ST6GALNAC3: variants seen among roughly 807,000 people sequenced by gnomAD.
The protein encoded by ST6GALNAC3 is alpha-N-acetylgalactosaminide alpha-2,6-sialyltransferase 3.
A neutral mutation model predicts 32.7 loss-of-function variants in ST6GALNAC3; 25 were observed. The observed-to-expected ratio is 0.76, with a 90% CI of 0.56 to 1.07. ST6GALNAC3 has a LOEUF of 1.07. ST6GALNAC3 is among the 50% of genes least tolerant of loss of function. The probability of loss-of-function intolerance (pLI) is 0.00; values close to 1 mark genes in which losing one functional copy is unlikely to be tolerated. For synonymous variants in ST6GALNAC3, 129 were observed against 133.1 expected (o/e 0.97, Z 0.21); for missense variants, 355 against 382.4 (o/e 0.93, Z 0.60).
intron 1 of ST6GALNAC3, among the ~76,000 whole-genome samples, chr1:76,112,098 C>A (rs1648012390): frequency 7.0e-6 from 1 of 142,508 alleles, no homozygotes; most frequent in Non-Finnish European, 1.5e-5. Context: ...CCGGACGGGG[C>A]GGCTGGCCGG....
At chr1:76,112,106 C>T (rs1159758321) in intron 1 of ST6GALNAC3, among the ~76,000 whole-genome samples, 5 of 142,956 alleles carry the variant, frequency 3.5e-5, no homozygotes, top group Non-Finnish European at 6.1e-5. Context: ...GGCGGCTGGC[C>T]GGGCGGGGGG....
chr1:76,307,424 C>T (rs988720505), intron 1 of ST6GALNAC3, among the ~76,000 whole-genome samples: 3 of 152,100 alleles, frequency 2.0e-5, no homozygotes, highest in African/African-American at 7.2e-5. Flanking sequence ...CAAGATAGAA[C>T]TATAACATAT....
intron 1 of ST6GALNAC3, among the ~76,000 whole-genome samples, chr1:76,308,568 G>A (rs921513708): frequency 1.3e-5 from 2 of 152,114 alleles, no homozygotes; most frequent in Non-Finnish European, 1.5e-5. Flanking sequence ...ATCATTAGAC[G>A]TAGAACACAT....
At chr1:76,084,290 G>C (rs1144345) in intron 1 of ST6GALNAC3, among the ~76,000 whole-genome samples, 47,763 of 152,096 alleles carry the variant, frequency 0.31, 7,873 homozygotes, top group Middle Eastern at 0.5. Context: ...ACATCTGAGC[G>C]TTTGATGAGC....
intron 3 of ST6GALNAC3, among the ~76,000 whole-genome samples, chr1:76,519,856 A>G (rs1032409932): frequency 6.6e-6 from 1 of 151,502 alleles, no homozygotes; most frequent in African/African-American, 2.4e-5. Flanking sequence ...TATCATAAAT[A>G]TTTATGAAAA....
chr1:76,465,770 C>T (rs1658583279), intron 3 of ST6GALNAC3, among the ~76,000 whole-genome samples: 1 of 151,184 alleles, frequency 6.6e-6, no homozygotes, highest in Non-Finnish European at 1.5e-5. Context: ...ATTTTTTTTC[C>T]TCATTATTTC....
chr1:76,187,002 C>G (rs1461829137), intron 1 of ST6GALNAC3, among the ~76,000 whole-genome samples: 1 of 152,170 alleles, frequency 6.6e-6, no homozygotes, highest in Non-Finnish European at 1.5e-5. Context: ...CTTCCTCCCA[C>G]CCTTCCCACT....
intron 1 of ST6GALNAC3, among the ~76,000 whole-genome samples, chr1:76,080,582 A>G (rs1191966559): frequency 6.6e-6 from 1 of 151,310 alleles, no homozygotes; most frequent in Non-Finnish European, 1.5e-5. Flanking sequence ...GCGTGGTTTA[A>G]CTTTTGTCAT....
intron 2 of ST6GALNAC3, among the ~76,000 whole-genome samples, chr1:76,404,454 A>G (rs143110688): frequency 6.6e-6 from 1 of 152,224 alleles, no homozygotes; most frequent in East Asian, 1.9e-4. Flanking sequence ...AACACGGGAA[A>G]AATTAAAATA....
intron 1 of ST6GALNAC3, among the ~76,000 whole-genome samples, chr1:76,302,330 T>C (rs1054326363): frequency 3.3e-5 from 5 of 152,024 alleles, no homozygotes; most frequent in African/African-American, 1.2e-4. Context: ...TGAACTTGTA[T>C]CAGAAACCTG....
At chr1:76,514,499 G>A (rs1164826901) in intron 3 of ST6GALNAC3, among the ~76,000 whole-genome samples, 2 of 152,036 alleles carry the variant, frequency 1.3e-5, no homozygotes, top group Non-Finnish European at 2.9e-5. Context: ...TGAATGACTT[G>A]GTTCTATTCT....
intron 2 of ST6GALNAC3, among the ~76,000 whole-genome samples, chr1:76,339,729 G>T (rs999601260): frequency 2.0e-5 from 3 of 151,954 alleles, no homozygotes; most frequent in Non-Finnish European, 4.4e-5. Context: ...GAGAGCAGTG[G>T]ACCACAGAGA....
intron 1 of ST6GALNAC3, among the ~76,000 whole-genome samples, chr1:76,244,451 C>T (rs1440199524): frequency 6.6e-6 from 1 of 152,052 alleles, no homozygotes; most frequent in Non-Finnish European, 1.5e-5. Flanking sequence ...CTTTTTCTTG[C>T]CTAATTTCCC....
intron 1 of ST6GALNAC3, chr1:76,307,927 A>G (rs1294468315): frequency 5.8e-6 from 3 of 515,532 alleles, no homozygotes; most frequent in South Asian, 4.2e-5. Context: ...TGATATTCCC[A>G]CTCTAAAGAG....
At chr1:76,202,626 A>G (rs1304352536) in intron 1 of ST6GALNAC3, among the ~76,000 whole-genome samples, 1 of 152,122 alleles carries the variant, frequency 6.6e-6, no homozygotes, top group East Asian at 1.9e-4. Context: ...GAGAAGTGTG[A>G]AGTGTTTGCA....
At chr1:76,552,908 T>C (rs1664720653) in intron 3 of ST6GALNAC3, among the ~76,000 whole-genome samples, 2 of 152,208 alleles carry the variant, frequency 1.3e-5, no homozygotes, top group African/African-American at 4.8e-5. Flanking sequence ...AAAGTTACCT[T>C]TTATTTCTAG....
At chr1:76,574,883 C>T (rs1646775475) in intron 3 of ST6GALNAC3, among the ~76,000 whole-genome samples, 1 of 152,062 alleles carries the variant, frequency 6.6e-6, no homozygotes, top group Non-Finnish European at 1.5e-5. Flanking sequence ...ACTCACTTGG[C>T]TAGTTGAGAA....
chr1:76,564,263 C>T (rs891874714), intron 3 of ST6GALNAC3, among the ~76,000 whole-genome samples: 5 of 152,232 alleles, frequency 3.3e-5, no homozygotes, highest in African/African-American at 4.8e-5. Flanking sequence ...AGAAAAGAAA[C>T]TGAATTACCA....
chr1:76,333,325 T>C (rs886571700), intron 2 of ST6GALNAC3, among the ~76,000 whole-genome samples: 2 of 152,144 alleles, frequency 1.3e-5, no homozygotes, highest in African/African-American at 4.8e-5. Flanking sequence ...GTAATAACTT[T>C]CTGGGCATTA....
Sources: gnomAD v4.1 joint callset for allele counts (sites outside exome capture counted in the v4.1 genomes callset) on GRCh38, gnomAD v4.1.1 for gene constraint, MANE v1.5 for transcripts, NCBI Gene and HGNC (gene_info 2026-07-23, HGNC 2026-07-21) for gene names.